Variants in BMPR1B observed in about 807,000 individuals in gnomAD.
BMPR1B encodes bone morphogenetic protein receptor type 1B, also known as bone morphogenetic protein receptor type-1B.
Under a neutral mutation model 59.1 loss-of-function variants are expected in BMPR1B, and 12 were observed. That is an observed-to-expected ratio of 0.20 (90% CI 0.13 to 0.33). BMPR1B has a LOEUF of 0.33. Ranked by LOEUF, BMPR1B falls within the 10% of genes least tolerant of loss-of-function variation. BMPR1B has a pLI of 1.00. For missense variants in BMPR1B, 550 were observed against 610.9 expected (o/e 0.90, Z 1.05); for synonymous variants, 237 against 207.3 (o/e 1.14, Z -1.23).
Position 95,151,966 on chromosome 4 carries a change from GT to G in BMPR1B, c.1253-676del, listed in dbSNP as rs564713973. 5.0e-3 allele frequency among the ~76,000 whole-genome samples: 759 copies of G among 152,218 alleles called. 5 individuals are homozygous for G. The highest frequency in any genetic ancestry group is 0.017 in the African/African-American group (723 of 41,538). On this transcript the variant is annotated intron_variant, in intron 11 of 12. Coordinates refer to ENST00000515059, the MANE Select transcript of BMPR1B (RefSeq NM_001203.3). Reference sequence around the variant, plus strand: ...AGGAACAATAAAATGAAAGTTTAGTGTGCATTTTTATGAAGATGCTATAGAT... The same window carrying G: ...AGGAACAATAAAATGAAAGTTTAGTGGCATTTTTATGAAGATGCTATAGAT...
At chr4:95,038,981 T>G (rs1725456791) in intron 3 of BMPR1B, among the ~76,000 whole-genome samples, 1 of 152,216 alleles carries the variant, frequency 6.6e-6, no homozygotes, top group Non-Finnish European at 1.5e-5. Context: ...TTTTTCACTT[T>G]TCAGCTGGGT....
intron 2 of BMPR1B, among the ~76,000 whole-genome samples, chr4:94,949,465 T>C (rs1200949534): frequency 2.8e-5 from 3 of 107,496 alleles, no homozygotes; most frequent in African/African-American, 4.0e-5. Flanking sequence ...TACAGGCGCC[T>C]GCCACCGCGC....
At chr4:94,825,773 G>T (rs998326481) in intron 1 of BMPR1B, among the ~76,000 whole-genome samples, 2 of 152,134 alleles carry the variant, frequency 1.3e-5, no homozygotes, top group Non-Finnish European at 2.9e-5. Context: ...AATGTGGAAA[G>T]AAAATGGATT....
rs944787795 is a variant in BMPR1B, at chr4:95,082,839, C to G, written c.-17-21569C>G. Reference sequence around the variant, plus strand: ...GGATCACGAGGTCAGGAGATTGAGACCATCCTGGCTAACACGGTGAAGCCT... The same window carrying G: ...GGATCACGAGGTCAGGAGATTGAGAGCATCCTGGCTAACACGGTGAAGCCT... On this transcript the variant is annotated intron_variant, in intron 3 of 12. Transcript: ENST00000515059. Among the ~76,000 whole-genome samples the G allele has an allele frequency of 4.0e-5, 6 of 151,764 alleles. No homozygotes were observed. The East Asian group carries it at 7.8e-4, about 20-fold the overall frequency.
intron 2 of BMPR1B, among the ~76,000 whole-genome samples, chr4:94,975,020 A>T (rs564554867): frequency 1.3e-5 from 2 of 152,302 alleles, no homozygotes; most frequent in African/African-American, 4.8e-5. Context: ...CCACTTCACT[A>T]ACTGTAAAGA....
intron 10 of BMPR1B, among the ~76,000 whole-genome samples, chr4:95,145,458 A>G (rs550014428): frequency 1.3e-5 from 2 of 152,156 alleles, no homozygotes; most frequent in African/African-American, 2.4e-5. Flanking sequence ...TTCTCCTGGA[A>G]CTTTCCGTCT....
rs564479484 is a variant in BMPR1B, at chr4:95,035,553, A to G, written c.-18+39419A>G. Among the ~76,000 whole-genome samples the G allele has an allele frequency of 7.4e-4, 113 of 151,960 alleles. 3 individuals carry two copies. Among genetic ancestry groups the G allele is most frequent in the African/African-American group, 2.4e-3 (99 of 41,476 alleles). On this transcript the variant is annotated intron_variant, in intron 3 of 12. Transcript: ENST00000515059. ...CATAGGGTGTTCTTTCCCCCACTTTATGCTTTTATTTGCTTTGTTGAAGAT... is the reference window on the plus strand; with the variant it reads ...CATAGGGTGTTCTTTCCCCCACTTTGTGCTTTTATTTGCTTTGTTGAAGAT...
intron 10 of BMPR1B, among the ~76,000 whole-genome samples, chr4:95,135,232 G>A (rs1272166380): frequency 6.6e-6 from 1 of 151,992 alleles, no homozygotes; most frequent in Non-Finnish European, 1.5e-5. Flanking sequence ...TCTCTGTTTT[G>A]GTACCAGTAC....
chr4:94,944,582 G>A (rs1729637312), intron 2 of BMPR1B, among the ~76,000 whole-genome samples: 1 of 152,110 alleles, frequency 6.6e-6, no homozygotes, highest in South Asian at 2.1e-4. Context: ...TTCCTTCAAG[G>A]GAATTATATG....
At chr4:95,040,249 A>G (rs1725558434) in intron 3 of BMPR1B, among the ~76,000 whole-genome samples, 1 of 152,204 alleles carries the variant, frequency 6.6e-6, no homozygotes, top group African/African-American at 2.4e-5. Context: ...CTATTTTCAT[A>G]TGGTGTATGG....
At chr4:94,827,577 T>A (rs1578688291) in intron 1 of BMPR1B, among the ~76,000 whole-genome samples, 1 of 152,260 alleles carries the variant, frequency 6.6e-6, no homozygotes, top group Middle Eastern at 3.4e-3. Flanking sequence ...GAGCTTACTT[T>A]AAAAAATTCT....
At chr4:95,044,524 CA>C (rs1199282562) in intron 3 of BMPR1B, among the ~76,000 whole-genome samples, 2 of 152,246 alleles carry the variant, frequency 1.3e-5, no homozygotes, top group Non-Finnish European at 2.9e-5. Context: ...AGTAAGAACA[CA>C]AATCCTCCTC....
chr4:94,818,665 G>A (rs1724096419), intron 1 of BMPR1B, among the ~76,000 whole-genome samples: 1 of 152,164 alleles, frequency 6.6e-6, no homozygotes, highest in Admixed American at 6.5e-5. Context: ...TAGTATCTCA[G>A]CAAATATTCT....
At chr4:94,781,242 T>C (rs1347153278) in intron 1 of BMPR1B, among the ~76,000 whole-genome samples, 1 of 152,186 alleles carries the variant, frequency 6.6e-6, no homozygotes, top group Non-Finnish European at 1.5e-5. Context: ...ATAACAGATA[T>C]ATGATTTGCA....
Position 94,902,249 on chromosome 4 carries a change from CAGAGAGAGAG to C in BMPR1B, c.-113+26385_-113+26394del, listed in dbSNP as rs142124519. Among the ~76,000 whole-genome samples, 574 of 68,916 alleles carry C rather than the reference CAGAGAGAGAG, an allele frequency of 8.3e-3. 2 individuals carry two copies. Among genetic ancestry groups the C allele is most frequent in the African/African-American group, 0.013 (224 of 17,920 alleles). The allele number at this position is 68,916 out of a possible 152,430, so 45.2% of individuals were successfully genotyped here. A position where few individuals can be genotyped will look rare whatever the true frequency, so the allele number is the denominator to read the frequency against. ...ACACACACACACACACACACACACA[CAGAGAGAGAG>C]AGAGAGAGAGAGAGAGAGAGAGAGA... is the stretch of plus-strand genomic sequence containing the variant. On this transcript the variant is annotated intron_variant, in intron 2 of 12. Coordinates refer to ENST00000515059, the MANE Select transcript of BMPR1B (RefSeq NM_001203.3).
intron 2 of BMPR1B, among the ~76,000 whole-genome samples, chr4:94,931,037 A>G: frequency 6.6e-6 from 1 of 152,096 alleles, no homozygotes; most frequent in Non-Finnish European, 1.5e-5. Context: ...CCATTGCTTA[A>G]TTTTCTTTTC....
chr4:94,913,561 A>G (rs1393784425), intron 2 of BMPR1B, among the ~76,000 whole-genome samples: 2 of 152,144 alleles, frequency 1.3e-5, no homozygotes, highest in Non-Finnish European at 2.9e-5. Context: ...ATGGCAAGTG[A>G]TATACCAAGC....
Position 95,042,549 on chromosome 4 carries a change from T to A in BMPR1B, c.-18+46415T>A, listed in dbSNP as rs192424335. ...AAGATATCTTATGTTTATGTAAAAATTCCAAAATGCAAAAATCTTTGAAAT... is the reference window on the plus strand; with the variant it reads ...AAGATATCTTATGTTTATGTAAAAAATCCAAAATGCAAAAATCTTTGAAAT... On this transcript the variant is annotated intron_variant, in intron 3 of 12. Transcript: ENST00000515059. Among the ~76,000 whole-genome samples the A allele has an allele frequency of 1.9e-3, 294 of 152,274 alleles. 1 individual carries two copies. Among genetic ancestry groups the A allele is most frequent in the Non-Finnish European group, 2.6e-3 (180 of 68,018 alleles).
At chr4:94,934,163 A>G (rs1244329299) in intron 2 of BMPR1B, among the ~76,000 whole-genome samples, 3 of 152,178 alleles carry the variant, frequency 2.0e-5, no homozygotes, top group Non-Finnish European at 4.4e-5. Flanking sequence ...TATTTAGTCA[A>G]GTGTTCAATC....
Sources: gnomAD v4.1 joint callset for allele counts (sites outside exome capture counted in the v4.1 genomes callset) on GRCh38, gnomAD v4.1.1 for gene constraint, MANE v1.5 for transcripts, NCBI Gene and HGNC (gene_info 2026-07-23, HGNC 2026-07-21) for gene names.